The following EPHA4 variants were observed in gnomAD, a reference collection of about 807,000 sequenced individuals.
The protein encoded by EPHA4 is EPH receptor A4.
Under a neutral mutation model 108.3 loss-of-function variants are expected in EPHA4, and 19 were observed. The ratio of observed to expected loss-of-function variants is 0.18; its 90% CI spans 0.12 to 0.26. The LOEUF is 0.26. Ranked by LOEUF, EPHA4 falls within the 10% of genes least tolerant of loss-of-function variation. The pLI is 1.00. For missense variants in EPHA4, 917 were observed against 1,254.0 expected, an observed-to-expected ratio of 0.73 and a Z score of 4.06; for synonymous variants, 449 against 455.5, an observed-to-expected ratio of 0.99 and a Z score of 0.18.
Position 221,456,607 on chromosome 2 carries a change from T to C in EPHA4, c.1603+6A>G, listed in dbSNP as rs1301906812. The C allele has an allele frequency of 1.2e-6, 2 of 1,613,488 alleles. No individual in the cohort carries two copies. The highest frequency in any genetic ancestry group is 1.7e-6 in the Non-Finnish European group (2 of 1,179,674). Reference sequence around the variant, plus strand: ...GAAGTGACTGAGTCTGGGTGGTCCTTGTTACCTGTGTTGGTTGTAACCTCC... The same window carrying C: ...GAAGTGACTGAGTCTGGGTGGTCCTCGTTACCTGTGTTGGTTGTAACCTCC... On this transcript the variant is annotated splice_donor_region_variant and intron_variant, in intron 7 of 17. Transcript: ENST00000281821.
Position 221,481,317 on chromosome 2 carries a change from G to A in EPHA4, c.1318+1035C>T, listed in dbSNP as rs1030425423. Among the ~76,000 whole-genome samples the A allele has an allele frequency of 6.7e-4, 102 of 151,564 alleles. 2 individuals are homozygous for A. Among genetic ancestry groups the A allele is most frequent in the Admixed American group, 3.9e-4 (6 of 15,200 alleles). ...ATGTAGGAATTGGAGGAGACTGGCCGCCCCACCCTCCGCCCCACCCTCCCA... is the reference window on the plus strand; with the variant it reads ...ATGTAGGAATTGGAGGAGACTGGCCACCCCACCCTCCGCCCCACCCTCCCA... On this transcript the variant is annotated intron_variant, in intron 5 of 17. Transcript: ENST00000281821.
At chr2:221,528,038 C>T (rs1214971362) in intron 3 of EPHA4, among the ~76,000 whole-genome samples, 1 of 151,898 alleles carries the variant, frequency 6.6e-6, no homozygotes, top group African/African-American at 2.4e-5. Flanking sequence ...CGCCGTTTCC[C>T]CTCCCCTTCC....
intron 3 of EPHA4, among the ~76,000 whole-genome samples, chr2:221,526,707 C>T (rs1422898540): frequency 6.6e-6 from 1 of 151,646 alleles, no homozygotes; most frequent in Non-Finnish European, 1.5e-5. Flanking sequence ...ATTAGCCAGG[C>T]GCAGTGGCGA....
intron 4 of EPHA4, among the ~76,000 whole-genome samples, chr2:221,483,642 A>G (rs1691897020): frequency 6.6e-6 from 1 of 151,762 alleles, no homozygotes; most frequent in Admixed American, 6.6e-5. Flanking sequence ...CAGCCTCCCA[A>G]GTAGCTGAAA....
intron 13 of EPHA4, 110 bp downstream of exon 13, chr2:221,436,289 G>A: frequency 1.0e-6 from 1 of 966,848 alleles, no homozygotes; most frequent in Non-Finnish European, 1.5e-6. Flanking sequence ...GGCTTCAAGG[G>A]ATGAGAAAAC....
intron 8 of EPHA4, among the ~76,000 whole-genome samples, chr2:221,450,935 C>G (rs529445693): frequency 1.3e-5 from 2 of 152,192 alleles, no homozygotes; most frequent in East Asian, 3.9e-4. Flanking sequence ...GTTTTGGGGC[C>G]GGGTGTGGTA....
intron 4 of EPHA4, among the ~76,000 whole-genome samples, chr2:221,485,281 G>GA (rs1007760136): frequency 8.6e-5 from 13 of 150,904 alleles, no homozygotes; most frequent in East Asian, 1.9e-4. Flanking sequence ...CTTCCACGTG[G>GA]AAAAAAAAAT....
At chr2:221,531,170 T>G (rs2680848) in intron 3 of EPHA4, among the ~76,000 whole-genome samples, 85,442 of 151,900 alleles carry the variant, frequency 0.56, 24,741 homozygotes, top group African/African-American at 0.7. Context: ...GTATTGAAAC[T>G]GCAGAATTAG....
chr2:221,503,877 T>C (rs1334174305), intron 3 of EPHA4, among the ~76,000 whole-genome samples: 1 of 152,224 alleles, frequency 6.6e-6, no homozygotes, highest in African/African-American at 2.4e-5. Context: ...TGCCTACATT[T>C]AAAATGACCT....
chr2:221,502,304 C>G (rs546965338), intron 3 of EPHA4, among the ~76,000 whole-genome samples: 2 of 152,230 alleles, frequency 1.3e-5, no homozygotes, highest in African/African-American at 2.4e-5. Flanking sequence ...AGAGACAAGG[C>G]CATTAAGAGT....
chr2:221,572,885 A>G (rs1012357550), upstream of EPHA4: 3 of 152,144 alleles, frequency 2.0e-5, no homozygotes, highest in African/African-American at 7.2e-5. Flanking sequence ...TTGTGGCTCT[A>G]TCACTCGCTT....
intron 3 of EPHA4, among the ~76,000 whole-genome samples, chr2:221,536,513 C>A (rs1001313224): frequency 6.6e-6 from 1 of 152,170 alleles, no homozygotes; most frequent in African/African-American, 2.4e-5. Flanking sequence ...TAAGCCCTAA[C>A]CCCCAATGTG....
chr2:221,543,882 A>G lies in EPHA4; in HGVS notation c.823+19849T>C, dbSNP rs563142029. On this transcript the variant is annotated intron_variant, in intron 3 of 17. Coordinates refer to ENST00000281821, the MANE Select transcript of EPHA4 (RefSeq NM_004438.5). ...TCTGTTCGGGCTGCTATAATAAAAT[A>G]TCATAAACTGGGTAACTTATAAATA... Among the ~76,000 whole-genome samples the G allele has an allele frequency of 3.9e-5, 6 of 152,348 alleles. No individual in the cohort carries two copies. In the East Asian group the frequency reaches 1.2e-3, roughly 29 times the overall value.
intron 3 of EPHA4, among the ~76,000 whole-genome samples, chr2:221,563,151 T>C (rs2056290): frequency 0.61 from 93,254 of 151,952 alleles, 29,481 homozygotes; most frequent in African/African-American, 0.77. Context: ...TCGGTGGGTG[T>C]TCAGGGAACA....
At chr2:221,443,182 G>A (rs774314262) in intron 10 of EPHA4, among the ~76,000 whole-genome samples, 168 bp from the exon 11 acceptor site, 2 of 151,984 alleles carry the variant, frequency 1.3e-5, no homozygotes, top group African/African-American at 2.4e-5. Flanking sequence ...GCTACTATTA[G>A]CCCCATTTTA....
chr2:221,479,103 G>T (rs1864462), intron 5 of EPHA4, among the ~76,000 whole-genome samples: 1 of 151,964 alleles, frequency 6.6e-6, no homozygotes, highest in Admixed American at 6.6e-5. Flanking sequence ...CAATCTCCAT[G>T]TCCATGCCCA....
At chr2:221,574,071 T>C (rs1380769275), upstream of EPHA4, 3 of 152,142 alleles carry the variant, frequency 2.0e-5, no homozygotes, top group Non-Finnish European at 4.4e-5. Context: ...CTGCTACAGT[T>C]TCAGGTCACT....
intron 8 of EPHA4, among the ~76,000 whole-genome samples, chr2:221,449,514 C>A (rs969722210): frequency 6.6e-5 from 10 of 152,168 alleles, no homozygotes; most frequent in Non-Finnish European, 1.2e-4. Flanking sequence ...AACATGGACC[C>A]TTTCAGCCGC....
At chr2:221,556,808 A>C (rs2106203134) in intron 3 of EPHA4, among the ~76,000 whole-genome samples, 1 of 152,278 alleles carries the variant, frequency 6.6e-6, no homozygotes, top group Non-Finnish European at 1.5e-5. Flanking sequence ...ATATTGTTAT[A>C]ATTGTTCTAT....
Sources: allele counts gnomAD v4.1 joint callset (sites outside exome capture counted in the v4.1 genomes callset), GRCh38; gene constraint gnomAD v4.1.1; transcripts MANE v1.5; gene names NCBI Gene and HGNC (gene_info 2026-07-23, HGNC 2026-07-21).